Variants in SMYD3 observed in about 807,000 individuals in gnomAD.
SMYD3 encodes SET and MYND domain containing 3.
SMYD3 carries 36 observed loss-of-function variants against 57.7 expected under a neutral mutation model. That is an observed-to-expected ratio of 0.62 (90% CI 0.48 to 0.82). SMYD3 has a LOEUF of 0.82. Among genes scored for constraint, SMYD3 ranks in the 40% least tolerant of loss-of-function variants. SMYD3 has a pLI of 0.00. For missense variants in SMYD3, 515 were observed against 538.8 expected (o/e 0.96, Z 0.44); for synonymous variants, 211 against 195.0 (o/e 1.08, Z -0.68).
intron 5 of SMYD3, among the ~76,000 whole-genome samples, chr1:246,077,021 A>G (rs2788010): frequency 0.37 from 56,688 of 151,958 alleles, 13,412 homozygotes; most frequent in African/African-American, 0.67. Context: ...AGGTTTTCAG[A>G]GGTAAGCTGG....
intron 8 of SMYD3, among the ~76,000 whole-genome samples, chr1:245,901,163 G>A (rs1161737400): frequency 6.6e-6 from 1 of 152,158 alleles, no homozygotes; most frequent in Admixed American, 6.5e-5. Context: ...ACTGGCAGGA[G>A]CATTAGGTTT....
In SMYD3 at chr1:246,327,168, A is replaced by G. The variant is rs370981051; in HGVS notation, c.531+33T>C. ...AAAATAAGGAGCAAATGGTTGATGT[A>G]TGGAATTAGCAAAGAGCAAACTTAA... On this transcript the variant is annotated intron_variant, in intron 5 of 11. Transcript: ENST00000490107. 3 of 1,611,656 alleles carry G rather than the reference A, an allele frequency of 1.9e-6. 1 individual carries two copies. The highest frequency in any genetic ancestry group is 4.5e-5 in the East Asian group (2 of 44,884).
intron 5 of SMYD3, among the ~76,000 whole-genome samples, chr1:246,100,689 T>C (rs967140660): frequency 8.5e-5 from 13 of 152,176 alleles, no homozygotes; most frequent in African/African-American, 3.1e-4. Flanking sequence ...TTTGCACTTT[T>C]ATTTTTTATA....
intron 5 of SMYD3, among the ~76,000 whole-genome samples, chr1:246,299,773 G>C (rs2064860224): frequency 1.3e-5 from 2 of 152,016 alleles, no homozygotes; most frequent in African/African-American, 4.8e-5. Context: ...TTGTAAGGGA[G>C]GGCTACATAA....
intron 5 of SMYD3, among the ~76,000 whole-genome samples, chr1:246,289,649 T>C (rs2064645691): frequency 6.6e-6 from 1 of 152,230 alleles, no homozygotes; most frequent in African/African-American, 2.4e-5. Flanking sequence ...TCAGTGGACA[T>C]TTTATAAGAT....
At chr1:246,126,173 G>A (rs2061506736) in intron 5 of SMYD3, among the ~76,000 whole-genome samples, 2 of 152,204 alleles carry the variant, frequency 1.3e-5, no homozygotes, top group South Asian at 2.1e-4. Context: ...ATCCCCATCT[G>A]GGCATGAGCA....
At chr1:245,987,316 C>A (rs2058723845) in intron 5 of SMYD3, among the ~76,000 whole-genome samples, 1 of 152,196 alleles carries the variant, frequency 6.6e-6, no homozygotes, top group Non-Finnish European at 1.5e-5. Context: ...CACACTCAGA[C>A]CACAGGAAGC....
At position 246,000,951 on chromosome 1, in the gene SMYD3, C is replaced by T. The variant is rs2059030092; in HGVS notation, c.532-71014G>A. Among the ~76,000 whole-genome samples the T allele has an allele frequency of 2.0e-5, 3 of 152,162 alleles. No individual in the cohort carries two copies. The South Asian group carries it at 6.2e-4, about 32-fold the overall frequency. ...GAAAGTCTAGCTAACTTAGAGACTGCTTTATTTTGTCCGAGTAAGGTTTTC... is the reference window on the plus strand; with the variant it reads ...GAAAGTCTAGCTAACTTAGAGACTGTTTTATTTTGTCCGAGTAAGGTTTTC... On this transcript the variant is annotated intron_variant, in intron 5 of 11. Transcript: ENST00000490107.
intron 5 of SMYD3, chr1:245,953,287 C>T (rs966033401): frequency 3.0e-6 from 3 of 999,370 alleles, no homozygotes; most frequent in Admixed American, 1.2e-4. Flanking sequence ...CTTCACTGCA[C>T]ATTAATATAT....
intron 1 of SMYD3, among the ~76,000 whole-genome samples, chr1:246,404,884 C>T (rs1174279253): frequency 6.6e-6 from 1 of 152,152 alleles, no homozygotes; most frequent in Non-Finnish European, 1.5e-5. Context: ...GCAGTCCTGA[C>T]TTAGACACTA....
intron 7 of SMYD3, among the ~76,000 whole-genome samples, chr1:245,924,962 C>G (rs754389093): frequency 1.3e-5 from 2 of 151,914 alleles, no homozygotes; most frequent in Non-Finnish European, 2.9e-5. Flanking sequence ...CGGTGCCCAG[C>G]CCTATTCCAG....
chr1:245,821,403 G>T (rs1449409668), intron 10 of SMYD3, among the ~76,000 whole-genome samples: 1 of 150,686 alleles, frequency 6.6e-6, no homozygotes, highest in Non-Finnish European at 1.5e-5. Context: ...ATTCAAGATT[G>T]ATTAAAGACT....
chr1:246,481,621 T>TATATACAC lies in SMYD3; in HGVS notation c.164+25432_164+25433insGTGTATAT, dbSNP rs1307881494. On this transcript the variant is annotated intron_variant, in intron 1 of 11. Transcript: ENST00000490107. Reference sequence around the variant, plus strand: ...ATATATATATATACACATACATATATACATACATACATACACATATTCATA... The same window carrying TATATACAC: ...ATATATATATATACACATACATATATATATACACACATACATACATACACATATTCATA... Among the ~76,000 whole-genome samples, 67 of 98,542 alleles carry TATATACAC rather than the reference T, an allele frequency of 6.8e-4. 5 individuals carry two copies. The East Asian group carries it at 0.013, about 19-fold the overall frequency. 64.6% of individuals were successfully genotyped at this position (98,542 alleles called of 152,430 possible).
intron 5 of SMYD3, among the ~76,000 whole-genome samples, chr1:245,933,692 A>C (rs1384354440): frequency 1.3e-5 from 2 of 152,210 alleles, no homozygotes; most frequent in African/African-American, 4.8e-5. Flanking sequence ...AATCAATACC[A>C]ACACACAAAG....
In SMYD3 at chr1:246,233,140, G is replaced by C. The variant is rs145170619; in HGVS notation, c.531+94061C>G. 6.6e-3 allele frequency among the ~76,000 whole-genome samples: 849 copies of C among 128,290 alleles called. 86 individuals carry two copies. The highest frequency in any genetic ancestry group is 0.022 in the African/African-American group (792 of 35,438). The allele number at this position is 128,290 out of a possible 152,430, so 84.2% of individuals were successfully genotyped here. A position where few individuals can be genotyped will look rare whatever the true frequency, so the allele number is the denominator to read the frequency against. ...TGTGATGAACATATTCCACACAGAG[G>C]AGAAACGCTCCTTCAATTCACACTG... is the stretch of plus-strand genomic sequence containing the variant. On this transcript the variant is annotated intron_variant, in intron 5 of 11. Coordinates refer to ENST00000490107, the MANE Select transcript of SMYD3 (RefSeq NM_001167740.2).
chr1:246,471,938 T>C (rs1055848393), intron 1 of SMYD3, among the ~76,000 whole-genome samples: 3 of 152,116 alleles, frequency 2.0e-5, no homozygotes, highest in African/African-American at 7.2e-5. Flanking sequence ...ATCAGTCCAA[T>C]CTTGGGGAAC....
At chr1:246,434,109 G>A (rs2067335898) in intron 1 of SMYD3, among the ~76,000 whole-genome samples, 9 of 152,142 alleles carry the variant, frequency 5.9e-5, no homozygotes, top group Admixed American at 5.9e-4. Context: ...ATCATGTACA[G>A]AAATTAAGTC....
intron 5 of SMYD3, among the ~76,000 whole-genome samples, chr1:246,022,703 T>C (rs1181348230): frequency 1.3e-5 from 2 of 152,228 alleles, no homozygotes; most frequent in East Asian, 1.9e-4. Context: ...ATAACTAATA[T>C]AACTCTGCAT....
chr1:245,764,235 G>A, intron 10 of SMYD3, 86 bp from the exon 11 acceptor site: 1 of 844,196 alleles, frequency 1.2e-6, no homozygotes, highest in Non-Finnish European at 2.0e-6. Flanking sequence ...AGTGGAAGCA[G>A]ACACTAGCTG....
Sources: gnomAD v4.1 joint callset for allele counts (sites outside exome capture counted in the v4.1 genomes callset) on GRCh38, gnomAD v4.1.1 for gene constraint, MANE v1.5 for transcripts, NCBI Gene and HGNC (gene_info 2026-07-23, HGNC 2026-07-21) for gene names.